Variants in FOXP1 observed in about 807,000 individuals in gnomAD.
The protein encoded by FOXP1 is forkhead box protein P1.
FOXP1 carries 15 observed loss-of-function variants against 98.2 expected under a neutral mutation model. The ratio of observed to expected loss-of-function variants is 0.15; its 90% CI spans 0.10 to 0.24. FOXP1 has a LOEUF of 0.24. Ranked by LOEUF, FOXP1 falls within the 10% of genes least tolerant of loss-of-function variation. FOXP1 has a pLI of 1.00. For synonymous variants in FOXP1, 371 were observed against 314.5 expected (o/e 1.18, Z -1.90); for missense variants, 633 against 848.5 (o/e 0.75, Z 3.15).
intron 6 of FOXP1, among the ~76,000 whole-genome samples, chr3:71,143,057 G>A (rs1255015377): frequency 6.6e-6 from 1 of 152,134 alleles, no homozygotes; most frequent in Non-Finnish European, 1.5e-5. Flanking sequence ...TCCTCTCTGG[G>A]CCTCACTTTC....
intron 4 of FOXP1, among the ~76,000 whole-genome samples, chr3:71,325,833 A>G (rs952666470): frequency 4.9e-4 from 74 of 152,220 alleles, no homozygotes; most frequent in African/African-American, 1.6e-3. Context: ...GGCATGTGTC[A>G]CCATATCTGG....
At chr3:71,546,130 C>G (rs1444284682) in intron 2 of FOXP1, among the ~76,000 whole-genome samples, 3 of 152,144 alleles carry the variant, frequency 2.0e-5, no homozygotes, top group African/African-American at 7.2e-5. Context: ...CACCTTCCCC[C>G]ACCCACCTCC....
At chr3:71,427,735 G>C (rs1014217044) in intron 3 of FOXP1, among the ~76,000 whole-genome samples, 1 of 152,326 alleles carries the variant, frequency 6.6e-6, no homozygotes, top group South Asian at 2.1e-4. Flanking sequence ...GGGAACATGA[G>C]GGGTGAGGGG....
At chr3:71,339,801 G>C (rs1436394311) in intron 4 of FOXP1, among the ~76,000 whole-genome samples, 1 of 152,160 alleles carries the variant, frequency 6.6e-6, no homozygotes, top group East Asian at 1.9e-4. Flanking sequence ...ATTCCTCTCT[G>C]AGAGAAAGTT....
intron 6 of FOXP1, among the ~76,000 whole-genome samples, chr3:71,183,547 A>G (rs1480027765): frequency 6.6e-6 from 1 of 152,162 alleles, no homozygotes; most frequent in Non-Finnish European, 1.5e-5. Context: ...TTTGCAGACA[A>G]TTTACCATGT....
intron 6 of FOXP1, among the ~76,000 whole-genome samples, chr3:71,169,155 T>C (rs868087060): frequency 6.6e-6 from 1 of 152,176 alleles, no homozygotes; most frequent in East Asian, 1.9e-4. Context: ...ACAGCTGTAT[T>C]TGACTATTTC....
chr3:71,412,411 C>T (rs1248410694), intron 3 of FOXP1, among the ~76,000 whole-genome samples: 1 of 152,116 alleles, frequency 6.6e-6, no homozygotes, highest in Non-Finnish European at 1.5e-5. Context: ...ATCGACTGGG[C>T]CCCCAACGCT....
chr3:71,492,102 G>A (rs2091099838), intron 3 of FOXP1, among the ~76,000 whole-genome samples: 1 of 152,052 alleles, frequency 6.6e-6, no homozygotes, highest in Non-Finnish European at 1.5e-5. Flanking sequence ...ATAATTTCCA[G>A]GGCCTCAATA....
intron 5 of FOXP1, among the ~76,000 whole-genome samples, chr3:71,290,303 T>C (rs918610877): frequency 6.6e-6 from 1 of 152,210 alleles, no homozygotes; most frequent in African/African-American, 2.4e-5. Context: ...TCCTATTGAT[T>C]ATATCCCGTC....
chr3:71,417,421 T>C (rs374720535), intron 3 of FOXP1, among the ~76,000 whole-genome samples: 5 of 152,342 alleles, frequency 3.3e-5, no homozygotes, highest in African/African-American at 1.2e-4. Flanking sequence ...CCATTCCAAG[T>C]TGTCCTCCTA....
intron 14 of FOXP1, among the ~76,000 whole-genome samples, chr3:70,980,971 T>C (rs560979867): frequency 1.3e-5 from 2 of 152,278 alleles, no homozygotes; most frequent in Admixed American, 1.3e-4. Context: ...ATGTCCTTCA[T>C]GCCTGCTCCC....
In FOXP1 at chr3:71,142,445, G is replaced by C. The variant is rs546222398; in HGVS notation, c.181-29808C>G. On this transcript the variant is annotated intron_variant, in intron 6 of 20. Transcript: ENST00000649528. ...CTGAGTGGGCCTGATGGAATCACAT[G>C]AACCCTTTCAATTGGAGTTTAGAGC... 2.0e-5 allele frequency among the ~76,000 whole-genome samples: 3 copies of C among 152,338 alleles called. No homozygotes were observed. The South Asian group carries it at 6.2e-4, about 32-fold the overall frequency.
chr3:71,050,158 G>C (rs994516909), intron 9 of FOXP1, among the ~76,000 whole-genome samples: 1 of 152,032 alleles, frequency 6.6e-6, no homozygotes, highest in African/African-American at 2.4e-5. Context: ...CCAAACTCAG[G>C]GACCACTATC....
chr3:71,430,816 G>A (rs1358997098), intron 3 of FOXP1, among the ~76,000 whole-genome samples: 3 of 152,142 alleles, frequency 2.0e-5, no homozygotes, highest in South Asian at 2.1e-4. Context: ...TGGGCTGTTG[G>A]GGGAGGGGAG....
chr3:71,547,265 C>A (rs540480007), intron 2 of FOXP1, among the ~76,000 whole-genome samples: 36 of 152,276 alleles, frequency 2.4e-4, no homozygotes, highest in African/African-American at 8.4e-4. Flanking sequence ...TGCCTGCCTA[C>A]CAAAATGCAA....
intron 6 of FOXP1, chr3:71,197,830 TA>T: frequency 6.4e-7 from 1 of 1,559,836 alleles, no homozygotes. Context: ...TTCACAGGCT[TA>T]AGCCTGTTTT....
At chr3:70,990,080 C>T (rs927803071) in intron 13 of FOXP1, among the ~76,000 whole-genome samples, 1 of 152,184 alleles carries the variant, frequency 6.6e-6, no homozygotes, top group Admixed American at 6.5e-5. Flanking sequence ...TAGAATTCAT[C>T]GTCAATTCTG....
At chr3:71,153,878 A>G (rs1311567957) in intron 6 of FOXP1, among the ~76,000 whole-genome samples, 1 of 152,234 alleles carries the variant, frequency 6.6e-6, no homozygotes, top group Non-Finnish European at 1.5e-5. Flanking sequence ...TTTCAGAGGT[A>G]CGGCAATAAA....
intron 3 of FOXP1, among the ~76,000 whole-genome samples, chr3:71,470,568 G>A (rs1362382502): frequency 6.6e-6 from 1 of 151,930 alleles, no homozygotes; most frequent in Non-Finnish European, 1.5e-5. Context: ...GGTGAACCGC[G>A]TCTCCACCAA....
Sources: allele counts gnomAD v4.1 joint callset (sites outside exome capture counted in the v4.1 genomes callset), GRCh38; gene constraint gnomAD v4.1.1; transcripts MANE v1.5; gene names NCBI Gene and HGNC (gene_info 2026-07-23, HGNC 2026-07-21).